NCAM2: variants seen among roughly 807,000 people sequenced by gnomAD.
NCAM2 encodes the protein N-CAM-2.
NCAM2 carries 30 observed loss-of-function variants against 98.1 expected under a neutral mutation model. That is an observed-to-expected ratio of 0.31 (90% CI 0.23 to 0.41). NCAM2 has a LOEUF of 0.41. Among genes scored for constraint, NCAM2 ranks in the 10% least tolerant of loss-of-function variants. The pLI is 1.00. For synonymous variants in NCAM2, 368 were observed against 342.4 expected (o/e 1.07, Z -0.83); for missense variants, 867 against 1,005.8 (o/e 0.86, Z 1.87).
At chr21:21,455,575 A>G (rs1021609605) in intron 12 of NCAM2, among the ~76,000 whole-genome samples, 1 of 152,058 alleles carries the variant, frequency 6.6e-6, no homozygotes, top group Non-Finnish European at 1.5e-5. Context: ...AAAATGCTAT[A>G]TATCAAAATA....
At chr21:21,411,114 A>ATATATATACACACATATATG (rs1426488904) in intron 10 of NCAM2, among the ~76,000 whole-genome samples, 3 of 3,534 alleles carry the variant, frequency 8.5e-4, no homozygotes, top group African/African-American at 2.8e-3. Context: ...ATATATATGT[A>ATATATATACACACATATATG]TATATATATA....
chr21:21,019,548 G>A (rs1455885049), intron 1 of NCAM2, among the ~76,000 whole-genome samples: 2 of 151,968 alleles, frequency 1.3e-5, no homozygotes, highest in African/African-American at 2.4e-5. Flanking sequence ...CATAGAATGA[G>A]GATAATAATA....
At chr21:21,445,667 T>G (rs1359355948) in intron 12 of NCAM2, among the ~76,000 whole-genome samples, 1 of 151,970 alleles carries the variant, frequency 6.6e-6, no homozygotes, top group Non-Finnish European at 1.5e-5. Flanking sequence ...TCCTGCTTTT[T>G]TTTTTCTTGG....
intron 9 of NCAM2, among the ~76,000 whole-genome samples, chr21:21,406,105 C>G (rs232455): frequency 3.3e-5 from 5 of 151,978 alleles, no homozygotes; most frequent in Admixed American, 2.6e-4. Flanking sequence ...GAAATTATTC[C>G]GAGACCTGTT....
At chr21:21,126,236 T>TAAAAAAAAAAAAA (rs778070776) in intron 1 of NCAM2, among the ~76,000 whole-genome samples, 5 of 97,562 alleles carry the variant, frequency 5.1e-5, no homozygotes, top group Admixed American at 1.4e-4. Context: ...TCATGGAACA[T>TAAAAAAAAAAAAA]AAAAAAAAAA....
chr21:21,222,963 G>C (rs1368482403), intron 1 of NCAM2, among the ~76,000 whole-genome samples: 1 of 152,108 alleles, frequency 6.6e-6, no homozygotes, highest in African/African-American at 2.4e-5. Context: ...TCAATCTTCA[G>C]TAACCACTCT....
chr21:21,070,449 G>A (rs1169988878), intron 1 of NCAM2, among the ~76,000 whole-genome samples: 1 of 151,996 alleles, frequency 6.6e-6, no homozygotes, highest in African/African-American at 2.4e-5. Flanking sequence ...AATGAAGGAG[G>A]AGTAATCAGC....
chr21:21,060,362 G>A (rs183966270), intron 1 of NCAM2, among the ~76,000 whole-genome samples: 3 of 152,076 alleles, frequency 2.0e-5, no homozygotes, highest in East Asian at 3.9e-4. Context: ...ATCTGTGTAT[G>A]GGTTCTGTGT....
intron 1 of NCAM2, among the ~76,000 whole-genome samples, chr21:21,242,460 T>C (rs1195791811): frequency 6.6e-6 from 1 of 152,212 alleles, no homozygotes; most frequent in Non-Finnish European, 1.5e-5. Flanking sequence ...CTGAAACCTT[T>C]TTATCCTTTT....
At chr21:21,057,960 TATG>T (rs753464210) in intron 1 of NCAM2, among the ~76,000 whole-genome samples, 4 of 152,042 alleles carry the variant, frequency 2.6e-5, no homozygotes, top group Admixed American at 6.6e-5. Flanking sequence ...AGGAGCATGA[TATG>T]ATGATGTCTC....
intron 9 of NCAM2, among the ~76,000 whole-genome samples, chr21:21,399,572 A>C (rs2076585022): frequency 6.6e-6 from 1 of 152,186 alleles, no homozygotes; most frequent in African/African-American, 2.4e-5. Context: ...GATTTTTAAA[A>C]ACTTATTTTT....
chr21:21,397,999 CA>C (rs1476157282), intron 9 of NCAM2, among the ~76,000 whole-genome samples: 1 of 152,170 alleles, frequency 6.6e-6, no homozygotes, highest in Non-Finnish European at 1.5e-5. Context: ...TTAGCAAATG[CA>C]AAAATATGGA....
intron 1 of NCAM2, among the ~76,000 whole-genome samples, chr21:21,044,541 A>G (rs1374327317): frequency 6.6e-6 from 1 of 152,214 alleles, no homozygotes; most frequent in Non-Finnish European, 1.5e-5. Context: ...TCATATTTAA[A>G]GTCTTTCTGC....
intron 1 of NCAM2, 44 bp downstream of exon 1, chr21:20,998,662 C>G: frequency 6.3e-7 from 1 of 1,581,118 alleles, no homozygotes; most frequent in Non-Finnish European, 8.7e-7. Context: ...CCTCCCCCTT[C>G]CACCCGGCCA....
At chr21:21,286,487 C>T in intron 4 of NCAM2, 75 bp downstream of exon 4, 1 of 1,455,454 alleles carries the variant, frequency 6.9e-7, no homozygotes, top group Non-Finnish European at 9.3e-7. Context: ...ATCTATGTGT[C>T]TAGTTGTAGA....
intron 9 of NCAM2, among the ~76,000 whole-genome samples, chr21:21,407,947 C>G (rs951196113): frequency 3.9e-5 from 6 of 152,066 alleles, no homozygotes; most frequent in African/African-American, 1.4e-4. Context: ...CTTCATGTCC[C>G]TGGCTTTTTC....
rs144078567 is a variant in NCAM2 at position 21,061,668 on chromosome 21, G to C, written c.55+63050G>C. On this transcript the variant is annotated intron_variant, in intron 1 of 17. Coordinates refer to ENST00000400546, the MANE Select transcript of NCAM2 (RefSeq NM_004540.5). ...ACTATGACAAAATAATAGAAATCAA[G>C]TCGTTTGAATGTTTTGAAATTGATT... Among the ~76,000 whole-genome samples, 78 of 152,168 alleles carry C rather than the reference G, an allele frequency of 5.1e-4. No homozygotes were observed. In the East Asian group the frequency reaches 0.014, roughly 27 times the overall value.
chr21:21,411,081 T>TATATGTATATATATACATATATATAC (rs2076860734), intron 10 of NCAM2, among the ~76,000 whole-genome samples: 1 of 11,998 alleles, frequency 8.3e-5, no homozygotes, highest in African/African-American at 2.4e-4. Flanking sequence ...CACACACATA[T>TATATGTATATATATACATATATATAC]ATATATGTGT....
At position 21,509,044 on chromosome 21, in the gene NCAM2, A is replaced by T. The variant is rs778259678; in HGVS notation, c.2271A>T (p.Lys757Asn). 1.9e-6 allele frequency: 3 copies of T among 1,613,476 alleles called. No individual in the cohort carries two copies. The South Asian group carries it at 3.3e-5, about 18-fold the overall frequency. Residue 757 changes from lysine to asparagine, a missense_variant, in exon 16 of 18, where the codon AAA (lysine) becomes AAT (asparagine). Transcript: ENST00000400546. The part of the protein sequence containing the change: ...SGKSKELEEG[K>N]AAYLKDGSKE... ...AAAGTAAAGAACTCGAAGAAGGAAAAGCTGCATACCTGTGAGTATCAGGCA... is the reference window on the plus strand; with the variant it reads ...AAAGTAAAGAACTCGAAGAAGGAAATGCTGCATACCTGTGAGTATCAGGCA...
Sources: gnomAD v4.1 joint callset for allele counts (sites outside exome capture counted in the v4.1 genomes callset) on GRCh38, gnomAD v4.1.1 for gene constraint, MANE v1.5 for transcripts, NCBI Gene and HGNC (gene_info 2026-07-23, HGNC 2026-07-21) for gene names.